Variants in DIS3L2 observed in about 807,000 individuals in gnomAD.
DIS3L2 encodes the protein DIS3 like 3'-5' exoribonuclease 2, also known as DIS3-like exonuclease 2.
In DIS3L2, 34 loss-of-function variants were observed where a neutral mutation model predicts 97.5. The ratio of observed to expected loss-of-function variants is 0.35; its 90% CI spans 0.27 to 0.46. The LOEUF is 0.46. Among genes scored for constraint, DIS3L2 ranks in the 20% least tolerant of loss-of-function variants. The pLI, the probability that DIS3L2 is intolerant of heterozygous loss-of-function variation, is 1.00. For missense variants in DIS3L2, 1,038 were observed against 1,146.0 expected, an observed-to-expected ratio of 0.91 and a Z score of 1.36; for synonymous variants, 435 against 445.2, an observed-to-expected ratio of 0.98 and a Z score of 0.29.
At chr2:232,232,121 T>C (rs1559166515) in intron 10 of DIS3L2, among the ~76,000 whole-genome samples, 1 of 152,086 alleles carries the variant, frequency 6.6e-6, no homozygotes, top group Non-Finnish European at 1.5e-5. Flanking sequence ...AGTCAAAACA[T>C]GCACAGAGCA....
intron 13 of DIS3L2, among the ~76,000 whole-genome samples, chr2:232,280,765 G>A (rs55827425): frequency 0.12 from 18,426 of 152,182 alleles, 1,508 homozygotes; most frequent in African/African-American, 0.23. Flanking sequence ...CACTGCAGCC[G>A]AAGTGCTCAG....
intron 6 of DIS3L2, among the ~76,000 whole-genome samples, chr2:232,109,419 C>G (rs182875671): frequency 4.6e-4 from 69 of 151,360 alleles, no homozygotes; most frequent in African/African-American, 1.5e-3. Flanking sequence ...CCAGCCTGGG[C>G]GACAGAGCGA....
intron 5 of DIS3L2, among the ~76,000 whole-genome samples, chr2:232,072,850 G>C (rs1422305831): frequency 6.6e-6 from 1 of 150,668 alleles, no homozygotes; most frequent in Non-Finnish European, 1.5e-5. Context: ...GGGAGGTTGA[G>C]GTGGGGTGGG....
exon 14 of DIS3L2, chr2:232,343,455 C>A: frequency 6.4e-7 from 1 of 1,555,898 alleles, no homozygotes; most frequent in East Asian, 2.4e-5. Flanking sequence ...AGACTCGGGG[C>A]ATATGTGACA....
chr2:232,193,980 C>A (rs183118640), intron 9 of DIS3L2, among the ~76,000 whole-genome samples: 6 of 152,176 alleles, frequency 3.9e-5, no homozygotes, highest in Middle Eastern at 3.4e-3. Context: ...CGTGGTGGTG[C>A]TCGCCTGTAG....
chr2:232,228,791 A>G (rs1692714754), intron 10 of DIS3L2, among the ~76,000 whole-genome samples: 1 of 152,214 alleles, frequency 6.6e-6, no homozygotes, highest in African/African-American at 2.4e-5. Context: ...TAACACACTT[A>G]TTATTCAAGA....
At chr2:232,019,784 G>A (rs192105166) in intron 3 of DIS3L2, among the ~76,000 whole-genome samples, 10 of 151,972 alleles carry the variant, frequency 6.6e-5, no homozygotes, top group Non-Finnish European at 1.2e-4. Context: ...AGTGCCAAGC[G>A]TATACCAGTG....
At chr2:232,113,266 T>C (rs937372022) in intron 6 of DIS3L2, among the ~76,000 whole-genome samples, 2 of 152,210 alleles carry the variant, frequency 1.3e-5, no homozygotes, top group Admixed American at 1.3e-4. Flanking sequence ...CCTAAATTCT[T>C]TGTGGGCTAT....
In DIS3L2 at chr2:232,336,937, G is replaced by A; in HGVS notation, c.*307G>A. 1.7e-6 allele frequency: 2 copies of A among 1,206,472 alleles called. No individual in the cohort carries two copies. Among genetic ancestry groups the A allele is most frequent in the South Asian group, 3.5e-5 (2 of 56,414 alleles). 74.7% of individuals were successfully genotyped at this position (1,206,472 alleles called of 1,614,324 possible). ...CTGCCCAGGAAATGGGGGGGTTTCA[G>A]CAACTCAGTGTCACAGAATAAAATC... On this transcript the variant is annotated 3_prime_UTR_variant, in exon 21 of 21. Coordinates refer to ENST00000325385, the MANE Select transcript of DIS3L2 (RefSeq NM_152383.5).
chr2:232,002,361 A>G (rs1574801919), intron 1 of DIS3L2, among the ~76,000 whole-genome samples: 1 of 151,958 alleles, frequency 6.6e-6, no homozygotes, highest in African/African-American at 2.4e-5. Flanking sequence ...GTCTTTTGTG[A>G]TTCTATATGA....
intron 6 of DIS3L2, among the ~76,000 whole-genome samples, chr2:232,117,171 G>A (rs574898581): frequency 2.6e-5 from 4 of 152,264 alleles, no homozygotes; most frequent in Middle Eastern, 3.4e-3. Context: ...TATGCTCTCT[G>A]GGCCGACCCT....
At chr2:232,000,165 G>A (rs1693836977) in intron 1 of DIS3L2, among the ~76,000 whole-genome samples, 1 of 152,056 alleles carries the variant, frequency 6.6e-6, no homozygotes, top group Non-Finnish European at 1.5e-5. Context: ...AATATAAATG[G>A]TATGAAAATT....
At chr2:232,061,090 C>CA (rs1030476346) in intron 5 of DIS3L2, among the ~76,000 whole-genome samples, 10 of 152,162 alleles carry the variant, frequency 6.6e-5, no homozygotes, top group African/African-American at 2.4e-4. Flanking sequence ...ATATTATCTG[C>CA]AAACAAGAAT....
intron 14 of DIS3L2, among the ~76,000 whole-genome samples, chr2:232,310,972 C>G (rs758553857): frequency 2.0e-5 from 3 of 152,258 alleles, no homozygotes; most frequent in Non-Finnish European, 4.4e-5. Flanking sequence ...GAGTCAGTGC[C>G]TATTCCCCAC....
At chr2:232,318,431 A>G (rs529163801) in intron 14 of DIS3L2, among the ~76,000 whole-genome samples, 31 of 152,370 alleles carry the variant, frequency 2.0e-4, no homozygotes, top group South Asian at 2.1e-4. Flanking sequence ...TTGGACGCCT[A>G]TTAGTGCCAG....
intron 8 of DIS3L2, among the ~76,000 whole-genome samples, chr2:232,162,911 G>A (rs944611625): frequency 2.0e-5 from 3 of 152,194 alleles, no homozygotes; most frequent in Admixed American, 2.0e-4. Flanking sequence ...GCCCTAAAAT[G>A]TGCATGGGTG....
intron 3 of DIS3L2, among the ~76,000 whole-genome samples, 161 bp from the exon 4 acceptor site, chr2:232,024,116 A>G (rs1694592018): frequency 6.6e-6 from 1 of 152,216 alleles, no homozygotes; most frequent in Non-Finnish European, 1.5e-5. Context: ...AGATATCAAC[A>G]TAAATTGTGT....
intron 1 of DIS3L2, among the ~76,000 whole-genome samples, chr2:231,991,374 A>G (rs1329769181): frequency 1.3e-5 from 2 of 152,020 alleles, no homozygotes; most frequent in Non-Finnish European, 2.9e-5. Context: ...CTGGACTCAA[A>G]TGATCCTCCT....
intron 13 of DIS3L2, among the ~76,000 whole-genome samples, chr2:232,287,923 C>T (rs1036629459): frequency 6.6e-6 from 1 of 152,130 alleles, no homozygotes; most frequent in Non-Finnish European, 1.5e-5. Context: ...TTCAGGTAAC[C>T]CCAGGTATGG....
Sources: allele counts gnomAD v4.1 joint callset (sites outside exome capture counted in the v4.1 genomes callset), GRCh38; gene constraint gnomAD v4.1.1; transcripts MANE v1.5; gene names NCBI Gene and HGNC (gene_info 2026-07-23, HGNC 2026-07-21).